Variants in OPCML observed in about 807,000 individuals in gnomAD.
The protein encoded by OPCML is opioid-binding protein/cell adhesion molecule.
Under a neutral mutation model 37.8 loss-of-function variants are expected in OPCML, and 13 were observed. The observed-to-expected ratio is 0.34, with a 90% CI of 0.22 to 0.55. The LOEUF (loss-of-function observed/expected upper bound fraction) is 0.55, where lower values mean the gene tolerates loss of function less well. OPCML is among the 20% of genes least tolerant of loss of function. The pLI is 0.91. For synonymous variants in OPCML, 176 were observed against 168.8 expected (o/e 1.04, Z -0.33); for missense variants, 341 against 435.6 (o/e 0.78, Z 1.93).
At chr11:133,390,893 G>A (rs1340793748) in intron 1 of OPCML, among the ~76,000 whole-genome samples, 4 of 152,120 alleles carry the variant, frequency 2.6e-5, no homozygotes, top group African/African-American at 7.2e-5. Context: ...ACTGCAAGGA[G>A]CAATAAAACT....
At chr11:133,325,468 C>T (rs1346389000) in intron 1 of OPCML, among the ~76,000 whole-genome samples, 1 of 152,126 alleles carries the variant, frequency 6.6e-6, no homozygotes, top group Non-Finnish European at 1.5e-5. Context: ...TCTATTCCCA[C>T]TGAAGTAATT....
Position 133,208,107 on chromosome 11 carries a change from C to T in OPCML, c.62-265097G>A, listed in dbSNP as rs565246686. Among the ~76,000 whole-genome samples the T allele has an allele frequency of 2.6e-5, 4 of 152,242 alleles. No homozygotes were observed. In the South Asian group the frequency reaches 8.3e-4, roughly 32 times the overall value. ...TTTTTTCTCTCTTCAGAGCATCTAC[C>T]ATGATTTATTGTAATAGCTTATTTA... On this transcript the variant is annotated intron_variant, in intron 1 of 7. Transcript: ENST00000524381. The surrounding 1 kb of genome is among the most constrained non-coding windows in gnomAD (Gnocchi z 8.9).
intron 2 of OPCML, among the ~76,000 whole-genome samples, chr11:132,792,612 T>C (rs561540227): frequency 6.6e-6 from 1 of 152,198 alleles, no homozygotes; most frequent in Non-Finnish European, 1.5e-5. Context: ...CCAAGTGACC[T>C]CTTTGCTGGC....
At chr11:132,773,294 G>A (rs896341616) in intron 2 of OPCML, 1 of 152,162 alleles carries the variant, frequency 6.6e-6, no homozygotes, top group Non-Finnish European at 1.5e-5. Flanking sequence ...GCCTTCCATG[G>A]AGGGTTTGAT....
At chr11:133,478,670 T>C (rs559508750) in intron 1 of OPCML, among the ~76,000 whole-genome samples, 3 of 152,350 alleles carry the variant, frequency 2.0e-5, no homozygotes, top group African/African-American at 2.4e-5. Flanking sequence ...TGAAAGGCCA[T>C]TGAAACCAAC....
chr11:132,794,737 C>T (rs1209087516), intron 2 of OPCML, among the ~76,000 whole-genome samples: 1 of 152,080 alleles, frequency 6.6e-6, no homozygotes, highest in Non-Finnish European at 1.5e-5. Context: ...ATGTGACTAC[C>T]ATATCCTTTC....
intron 1 of OPCML, among the ~76,000 whole-genome samples, chr11:133,462,784 A>C (rs1946886105): frequency 6.6e-6 from 1 of 152,198 alleles, no homozygotes; most frequent in African/African-American, 2.4e-5. Flanking sequence ...GATTCCTCAA[A>C]AAATTAAGCA....
intron 1 of OPCML, among the ~76,000 whole-genome samples, chr11:133,483,686 AG>A (rs1947439372): frequency 7.5e-6 from 1 of 133,406 alleles, no homozygotes; most frequent in Admixed American, 7.1e-5. Context: ...ATAGATAGAT[AG>A]ATAGATAGAT....
intron 1 of OPCML, among the ~76,000 whole-genome samples, chr11:133,507,705 G>T (rs912834344): frequency 2.0e-5 from 3 of 152,120 alleles, no homozygotes; most frequent in African/African-American, 7.2e-5. Context: ...AGCACTTTGG[G>T]AGGCCGAGGC....
At chr11:132,840,720 T>A (rs1484056823) in intron 2 of OPCML, among the ~76,000 whole-genome samples, 5 of 152,172 alleles carry the variant, frequency 3.3e-5, no homozygotes, top group African/African-American at 1.2e-4. Context: ...CACATTCGCT[T>A]TTATAATTTT....
At chr11:132,613,784 A>G (rs899588228) in intron 3 of OPCML, among the ~76,000 whole-genome samples, 2 of 152,164 alleles carry the variant, frequency 1.3e-5, no homozygotes, top group African/African-American at 4.8e-5. Flanking sequence ...TGGAGAAAGA[A>G]GAAATCTGGG....
rs924266090 is a variant in OPCML at position 133,348,660 on chromosome 11, T to C, written c.61+183604A>G. On this transcript the variant is annotated intron_variant, in intron 1 of 7. Coordinates refer to ENST00000524381, the MANE Select transcript of OPCML (RefSeq NM_001012393.5). Reference sequence around the variant, plus strand: ...CAGCATTTAACAGGAATAACACTTCTTAGAAAATGCTATGCTAGAAGGTGA... The same window carrying C: ...CAGCATTTAACAGGAATAACACTTCCTAGAAAATGCTATGCTAGAAGGTGA... Among the ~76,000 whole-genome samples the C allele has an allele frequency of 2.0e-5, 3 of 152,280 alleles. No homozygotes were observed. In the East Asian group the frequency reaches 5.8e-4, roughly 29 times the overall value.
chr11:133,153,521 C>G (rs1179704524), intron 1 of OPCML, among the ~76,000 whole-genome samples: 1 of 152,162 alleles, frequency 6.6e-6, no homozygotes, highest in African/African-American at 2.4e-5. Flanking sequence ...TGCTACAAAG[C>G]TCTCTGCACC....
At chr11:133,300,917 C>T in intron 1 of OPCML, 1 of 152,168 alleles carries the variant, frequency 6.6e-6, no homozygotes, top group East Asian at 1.9e-4. Context: ...AAGGACTCTC[C>T]TGAGAGTCTC....
At chr11:132,951,115 C>T (rs2136697003) in intron 1 of OPCML, among the ~76,000 whole-genome samples, 1 of 152,272 alleles carries the variant, frequency 6.6e-6, no homozygotes, top group South Asian at 2.1e-4. Context: ...CTCTGTGGGA[C>T]TTTACACAAG....
intron 1 of OPCML, among the ~76,000 whole-genome samples, chr11:133,509,512 T>C (rs951317573): frequency 3.3e-5 from 5 of 152,192 alleles, no homozygotes; most frequent in Admixed American, 3.3e-4. Context: ...GCTAGTAAGC[T>C]CAGCCCTTCT....
chr11:133,081,835 C>T (rs1948722466), intron 1 of OPCML, among the ~76,000 whole-genome samples: 1 of 152,092 alleles, frequency 6.6e-6, no homozygotes, highest in South Asian at 2.1e-4. Flanking sequence ...GGCAGCGCCC[C>T]TCCCCGCCCC....
At chr11:133,323,156 A>T (rs1348353531) in intron 1 of OPCML, among the ~76,000 whole-genome samples, 2 of 152,126 alleles carry the variant, frequency 1.3e-5, no homozygotes, top group East Asian at 3.9e-4. Context: ...TTTCACTCCT[A>T]CCCACAGTGG....
chr11:132,943,144 C>A lies in OPCML; in HGVS notation c.62-134G>T. 1 of 1,604,152 alleles carries A rather than the reference C, an allele frequency of 6.2e-7. No homozygotes were observed. ...TCCGGCAGCCGCACAGTCCTGGTCC[C>A]CCGCCCCGCGCACCAGCGGGCTCGG... is the stretch of plus-strand genomic sequence containing the variant. On this transcript the variant is annotated intron_variant, in intron 1 of 7. Transcript: ENST00000524381. The surrounding 1 kb of genome is among the most constrained non-coding windows in gnomAD (Gnocchi z 4.3).
Sources: allele counts gnomAD v4.1 joint callset (sites outside exome capture counted in the v4.1 genomes callset), GRCh38; gene constraint gnomAD v4.1.1; non-coding constraint Gnocchi (gnomAD v3.1); transcripts MANE v1.5; gene names NCBI Gene and HGNC (gene_info 2026-07-23, HGNC 2026-07-21).